Variants in ARB2A observed in about 807,000 individuals in gnomAD.
ARB2A encodes the protein ARB2 cotranscriptional regulator A.
At chr5:93,740,354 G>A in the ARB2A span, 1 of 532,390 alleles carries the variant, frequency 1.9e-6, no homozygotes, top group Non-Finnish European at 3.3e-6. Context: ...CAATGCTAGG[G>A]AAAAACAAAG....
chr5:93,774,862 C>T, the ARB2A span, among the ~76,000 whole-genome samples: 7 of 152,076 alleles, frequency 4.6e-5, no homozygotes, highest in African/African-American at 1.7e-4. Flanking sequence ...GATTGGCTGA[C>T]AAAAATGTGA....
At chr5:93,846,031 A>ACAAT in the ARB2A span, among the ~76,000 whole-genome samples, 1 of 143,198 alleles carries the variant, frequency 7.0e-6, no homozygotes, top group Non-Finnish European at 1.5e-5. Flanking sequence ...ACACACACAC[A>ACAAT]CACACAATCA....
At chr5:93,800,306 C>A in the ARB2A span, among the ~76,000 whole-genome samples, 74 of 150,970 alleles carry the variant, frequency 4.9e-4, 1 homozygote, top group African/African-American at 1.8e-3. Flanking sequence ...TGCAAGAATA[C>A]TTTATTTAAA....
the ARB2A span, chr5:93,804,732 A>G: frequency 9.6e-6 from 3 of 311,756 alleles, no homozygotes; most frequent in Non-Finnish European, 1.4e-5. Flanking sequence ...TTTTATTCAG[A>G]AATTATATAC....
chr5:94,066,757 T>C, the ARB2A span, among the ~76,000 whole-genome samples: 1 of 152,082 alleles, frequency 6.6e-6, no homozygotes, highest in Non-Finnish European at 1.5e-5. Context: ...ACCAAATGTC[T>C]AAAGAAAAAC....
At chr5:93,658,270 A>G in the ARB2A span, among the ~76,000 whole-genome samples, 1 of 152,128 alleles carries the variant, frequency 6.6e-6, no homozygotes, top group Admixed American at 6.6e-5. Context: ...TGATAAGTTT[A>G]AGGTACATTT....
chr5:94,055,878 C>T, the ARB2A span: 1 of 985,426 alleles, frequency 1.0e-6, no homozygotes, highest in Non-Finnish European at 1.2e-6. Flanking sequence ...CTTCTAACAG[C>T]TCTTTTCTGT....
chr5:93,685,363 G>T, the ARB2A span, among the ~76,000 whole-genome samples: 2 of 152,164 alleles, frequency 1.3e-5, no homozygotes, highest in South Asian at 2.1e-4. Flanking sequence ...TAATTTGAGT[G>T]GGTGAAGAAA....
At chr5:93,974,733 C>T in the ARB2A span, among the ~76,000 whole-genome samples, 1 of 151,844 alleles carries the variant, frequency 6.6e-6, no homozygotes, top group Non-Finnish European at 1.5e-5. Context: ...TTTGAAAAAA[C>T]TAAATTAAAA....
the ARB2A span, among the ~76,000 whole-genome samples, chr5:94,031,482 G>A: frequency 6.6e-6 from 1 of 152,166 alleles, no homozygotes; most frequent in Non-Finnish European, 1.5e-5. Context: ...TTGAAGAAAT[G>A]TCTAGGCAGC....
chr5:93,882,477 A>C, the ARB2A span, among the ~76,000 whole-genome samples: 1 of 151,040 alleles, frequency 6.6e-6, no homozygotes, highest in African/African-American at 2.4e-5. Flanking sequence ...TGAGCTATTA[A>C]GGCTTTTTTT....
At chr5:93,929,769 C>T in the ARB2A span, among the ~76,000 whole-genome samples, 3 of 152,124 alleles carry the variant, frequency 2.0e-5, no homozygotes, top group East Asian at 5.8e-4. Flanking sequence ...AATTTATCAA[C>T]TACATAAATT....
the ARB2A span, among the ~76,000 whole-genome samples, chr5:93,833,068 C>T: frequency 6.6e-6 from 1 of 152,184 alleles, no homozygotes; most frequent in Non-Finnish European, 1.5e-5. Flanking sequence ...GCCAGCTCTA[C>T]CATCAGCCAT....
the ARB2A span, among the ~76,000 whole-genome samples, chr5:93,907,650 G>A: frequency 1.3e-5 from 2 of 151,280 alleles, no homozygotes; most frequent in Admixed American, 1.3e-4. Context: ...TATATAGTTT[G>A]GACATCTCGA....
chr5:93,689,702 T>C, the ARB2A span, among the ~76,000 whole-genome samples: 6 of 152,174 alleles, frequency 3.9e-5, no homozygotes, highest in South Asian at 1.2e-3. Flanking sequence ...TCTCTCTTTT[T>C]TTTTTTTGAG....
the ARB2A span, among the ~76,000 whole-genome samples, chr5:94,056,233 A>G: frequency 6.6e-6 from 1 of 152,220 alleles, no homozygotes; most frequent in Non-Finnish European, 1.5e-5. Context: ...TTATGAATAC[A>G]AAAATGTGCT....
At chr5:93,715,613 T>C in the ARB2A span, among the ~76,000 whole-genome samples, 2 of 151,944 alleles carry the variant, frequency 1.3e-5, no homozygotes, top group African/African-American at 4.8e-5. Flanking sequence ...CCAGTGGCAC[T>C]TTCTTCTTTG....
At chr5:93,785,799 A>T in the ARB2A span, among the ~76,000 whole-genome samples, 1 of 152,190 alleles carries the variant, frequency 6.6e-6, no homozygotes, top group African/African-American at 2.4e-5. Flanking sequence ...TTTATCCTGC[A>T]ATACCAATAA....
chr5:93,705,502 C>G, the ARB2A span, among the ~76,000 whole-genome samples: 5 of 151,756 alleles, frequency 3.3e-5, no homozygotes, highest in Non-Finnish European at 7.4e-5. Flanking sequence ...TAATTTATAA[C>G]TATTTTAAGG....
Sources: gnomAD v4.1 joint callset for allele counts (sites outside exome capture counted in the v4.1 genomes callset) on GRCh38, gnomAD v4.1.1 for gene constraint, MANE v1.5 for transcripts, NCBI Gene and HGNC (gene_info 2026-07-23, HGNC 2026-07-21) for gene names.